The following XXYLT1 variants were observed in gnomAD, a reference collection of about 807,000 sequenced individuals.
The protein encoded by XXYLT1 is xyloside xylosyltransferase 1.
Under a neutral mutation model 28.9 loss-of-function variants are expected in XXYLT1, and 20 were observed. The ratio of observed to expected loss-of-function variants is 0.69; its 90% CI spans 0.49 to 1.00. The LOEUF is 1.00. Ranked by LOEUF, XXYLT1 falls within the 50% of genes least tolerant of loss-of-function variation. The pLI is 0.00. For missense variants in XXYLT1, 542 were observed against 560.1 expected, an observed-to-expected ratio of 0.97 and a Z score of 0.33; for synonymous variants, 257 against 253.8, an observed-to-expected ratio of 1.01 and a Z score of -0.12.
At chr3:195,191,628 C>T (rs1056197013) in intron 2 of XXYLT1, among the ~76,000 whole-genome samples, 1 of 152,176 alleles carries the variant, frequency 6.6e-6, no homozygotes, top group Non-Finnish European at 1.5e-5. Context: ...ACAAAGGACA[C>T]ACTTTAGATT....
At chr3:195,102,315 G>A (rs188521892) in intron 3 of XXYLT1, among the ~76,000 whole-genome samples, 4 of 151,860 alleles carry the variant, frequency 2.6e-5, no homozygotes, top group East Asian at 1.9e-4. Flanking sequence ...AACTCTTTTC[G>A]CAAAATTCAT....
In XXYLT1 at chr3:195,155,764, C is replaced by T. The variant is rs190730473; in HGVS notation, c.785+685G>A. 3.9e-5 allele frequency among the ~76,000 whole-genome samples: 6 copies of T among 152,156 alleles called. No homozygotes were observed. The East Asian group carries it at 1.2e-3, about 29-fold the overall frequency. On this transcript the variant is annotated intron_variant, in intron 3 of 3. Transcript: ENST00000310380. ...CCCTAAAGGTTCCAGTTTGGTTTCG[C>T]TCTCGTCGCATGGAGCCGTTCCCTT...
chr3:195,270,849 C>G lies in XXYLT1; in HGVS notation c.210G>C (p.Ala70=). The G allele has an allele frequency of 5.0e-6, 7 of 1,413,314 alleles. No individual in the cohort carries two copies. The highest frequency in any genetic ancestry group is 6.4e-6 in the Non-Finnish European group (7 of 1,087,296). The allele number at this position is 1,413,314 out of a possible 1,614,324, so 87.5% of individuals were successfully genotyped here. A position where few individuals can be genotyped will look rare whatever the true frequency, so the allele number is the denominator to read the frequency against. The part of the protein sequence containing the change: ...AGAPAAPSPP[A]LELARGSVAP... ...CCACGGAGCCCCGCGCTAGCTCCAG[C>G]GCGGGCGGCGAGGGCGCGGCGGGAG... is the stretch of plus-strand genomic sequence containing the variant. The change falls in exon 1 of 4, where the codon GCG becomes GCC. Residue 70 remains alanine (A), a synonymous_variant. Coordinates refer to ENST00000310380, the MANE Select transcript of XXYLT1 (RefSeq NM_152531.5).
chr3:195,082,845 A>G (rs1406462983), intron 3 of XXYLT1, among the ~76,000 whole-genome samples: 2 of 151,896 alleles, frequency 1.3e-5, no homozygotes, highest in East Asian at 3.9e-4. Flanking sequence ...AAAAAAAAAG[A>G]AGGACCTCTC....
chr3:195,178,559 C>T (rs778934621), intron 2 of XXYLT1, among the ~76,000 whole-genome samples: 50 of 152,188 alleles, frequency 3.3e-4, no homozygotes, highest in South Asian at 8.3e-4. Flanking sequence ...AAGGACTTGG[C>T]GCAGCTCCAT....
chr3:195,122,070 C>G (rs1206068838), intron 3 of XXYLT1: 3 of 702,950 alleles, frequency 4.3e-6, no homozygotes, highest in Non-Finnish European at 7.8e-6. Context: ...CCCACTGATT[C>G]TGTGTCTGGT....
At chr3:195,143,276 A>G (rs1188194664) in intron 3 of XXYLT1, among the ~76,000 whole-genome samples, 1 of 152,204 alleles carries the variant, frequency 6.6e-6, no homozygotes, top group Non-Finnish European at 1.5e-5. Flanking sequence ...GGTGCAGCCC[A>G]CGGTGGGAGC....
intron 3 of XXYLT1, among the ~76,000 whole-genome samples, chr3:195,075,329 C>T (rs1011074342): frequency 1.2e-4 from 19 of 152,218 alleles, no homozygotes; most frequent in African/African-American, 4.1e-4. Flanking sequence ...CATAGAGCCA[C>T]GGTCTACCAG....
At chr3:195,259,532 AGGC>A in intron 1 of XXYLT1, 2 of 981,632 alleles carry the variant, frequency 2.0e-6, no homozygotes, top group Non-Finnish European at 2.4e-6. Flanking sequence ...TCCAGCAAGC[AGGC>A]GGCCGGGCTC....
At chr3:195,146,416 G>GCGGGC (rs1175044842) in intron 3 of XXYLT1, among the ~76,000 whole-genome samples, 2 of 152,246 alleles carry the variant, frequency 1.3e-5, no homozygotes, top group East Asian at 3.8e-4. Context: ...ACACAGTCCT[G>GCGGGC]CGGGCCCATC....
chr3:195,236,968 T>C (rs1218449925), intron 1 of XXYLT1, among the ~76,000 whole-genome samples: 1 of 152,122 alleles, frequency 6.6e-6, no homozygotes, highest in African/African-American at 2.4e-5. Flanking sequence ...GGTACCCAAG[T>C]TGCATGACAA....
At chr3:195,125,868 C>G (rs779100175) in intron 3 of XXYLT1, among the ~76,000 whole-genome samples, 25 of 152,174 alleles carry the variant, frequency 1.6e-4, no homozygotes, top group Non-Finnish European at 3.2e-4. Context: ...GGGCATCCAC[C>G]TCCCGCAGCA....
At chr3:195,259,490 A>G (rs1024204877) in intron 1 of XXYLT1, 42 of 778,018 alleles carry the variant, frequency 5.4e-5, no homozygotes, top group Non-Finnish European at 6.1e-5. Flanking sequence ...GAAGGGCAGC[A>G]GGGAGGCCTT....
rs115549108 is a variant in XXYLT1 at position 195,077,799 on chromosome 3, C to T, written c.786-7688G>A. ...TCCACATGGCACGGCACCACCAGGA[C>T]CCCAAGGTTGCTGCCCCGTATCCTC... is the stretch of plus-strand genomic sequence containing the variant. On this transcript the variant is annotated intron_variant, in intron 3 of 3. Coordinates refer to ENST00000310380, the MANE Select transcript of XXYLT1 (RefSeq NM_152531.5). This position sits in a 1 kb window ranked among gnomAD's most constrained non-coding sequence, Gnocchi z 4.8. 0.023 allele frequency among the ~76,000 whole-genome samples: 3,441 copies of T among 152,300 alleles called. 58 individuals carry two copies. The highest frequency in any genetic ancestry group is 0.037 in the Non-Finnish European group (2,537 of 68,012).
chr3:195,157,228 G>A lies in XXYLT1; in HGVS notation c.653-647C>T, dbSNP rs190038908. Among the ~76,000 whole-genome samples the A allele has an allele frequency of 3.5e-5, 4 of 115,468 alleles. No individual in the cohort carries two copies. In the Admixed American group the frequency reaches 3.5e-4, roughly 10 times the overall value. The allele number at this position is 115,468 out of a possible 152,430, so 75.8% of individuals were successfully genotyped here. A position where few individuals can be genotyped will look rare whatever the true frequency, so the allele number is the denominator to read the frequency against. The stretch of plus-strand genomic sequence containing the variant: ...ACTGCACTCCAGCCTGGGCAACAGA[G>A]CAAGGCGCCATCTCAAAAAAAAAAA... On this transcript the variant is annotated intron_variant, in intron 2 of 3. Coordinates refer to ENST00000310380, the MANE Select transcript of XXYLT1 (RefSeq NM_152531.5).
At chr3:195,182,059 T>C (rs1218410602) in intron 2 of XXYLT1, among the ~76,000 whole-genome samples, 1 of 152,166 alleles carries the variant, frequency 6.6e-6, no homozygotes, top group Non-Finnish European at 1.5e-5. Context: ...GAAGGGCATA[T>C]TTACTCATTC....
intron 3 of XXYLT1, among the ~76,000 whole-genome samples, chr3:195,117,346 TG>T (rs1158699809): frequency 6.6e-6 from 1 of 152,186 alleles, no homozygotes. Flanking sequence ...ATCCATCCTA[TG>T]GACTACATTA....
intron 3 of XXYLT1, among the ~76,000 whole-genome samples, chr3:195,152,994 C>A (rs2108676336): frequency 6.6e-6 from 1 of 152,342 alleles, no homozygotes; most frequent in Middle Eastern, 3.4e-3. Context: ...ACTGCCAGTT[C>A]CATGGAAGTC....
intron 2 of XXYLT1, among the ~76,000 whole-genome samples, chr3:195,165,250 T>C (rs1263388081): frequency 6.6e-6 from 1 of 152,130 alleles, no homozygotes; most frequent in East Asian, 1.9e-4. Flanking sequence ...TCCAGCCTCC[T>C]ACCATCCTCT....
Sources: gnomAD v4.1 joint callset for allele counts (sites outside exome capture counted in the v4.1 genomes callset) on GRCh38, gnomAD v4.1.1 for gene constraint, Gnocchi (gnomAD v3.1) non-coding constraint, MANE v1.5 for transcripts, NCBI Gene and HGNC (gene_info 2026-07-23, HGNC 2026-07-21) for gene names.